The following RWDD1 variants were observed in gnomAD, a reference collection of about 807,000 sequenced individuals.
The protein encoded by RWDD1 is RWD domain containing 1, also known as RWD domain-containing protein 1.
RWDD1 carries 17 observed loss-of-function variants against 31.6 expected under a neutral mutation model. The ratio of observed to expected loss-of-function variants is 0.54; its 90% CI spans 0.37 to 0.81. The LOEUF (loss-of-function observed/expected upper bound fraction) is 0.81. RWDD1 is among the 30% of genes least tolerant of loss of function. RWDD1 has a pLI of 0.00. For missense variants in RWDD1, 204 were observed against 274.5 expected (o/e 0.74, Z 1.82); for synonymous variants, 78 against 94.2 (o/e 0.83, Z 0.99).
chr6:116,574,115 C>T (rs2115321467), intron 1 of RWDD1: 1 of 289,168 alleles, frequency 3.5e-6, no homozygotes, highest in Middle Eastern at 1.7e-3. Context: ...TATAAATGGA[C>T]TCTCCTGATA....
chr6:116,583,757 G>A (rs1027580845), intron 2 of RWDD1, among the ~76,000 whole-genome samples: 2 of 152,042 alleles, frequency 1.3e-5, no homozygotes, highest in African/African-American at 4.8e-5. Context: ...GCTAATAAAA[G>A]AAGAAAGGAA....
chr6:116,594,681 T>C lies in RWDD1; in HGVS notation c.*1580T>C, dbSNP rs1775213386. On this transcript the variant is annotated 3_prime_UTR_variant, in exon 7 of 7. Transcript: ENST00000466444. ...AGTCCTTTGTAATAATTTGGGATGA[T>C]TGACTTGGTGGCTCCAGGTAGGAGA... 6.6e-6 allele frequency: 1 copy of C among 152,244 alleles called. No homozygotes were observed. Among genetic ancestry groups the C allele is most frequent in the African/African-American group, 2.4e-5 (1 of 41,470 alleles). The allele number at this position is 152,244 out of a possible 1,614,324, so 9.4% of individuals were successfully genotyped here.
rs941132673 is a variant in RWDD1, at chr6:116,595,221, C to T, written c.*2120C>T. 6.6e-6 allele frequency: 1 copy of T among 152,200 alleles called. No homozygotes were observed. 9.4% of individuals were successfully genotyped at this position (152,200 alleles called of 1,614,324 possible). ...GTGTCAAGAATGATAACCTCCCATCCACTTCATGTGATTTTTAAGAATAAA... is the reference window on the plus strand; with the variant it reads ...GTGTCAAGAATGATAACCTCCCATCTACTTCATGTGATTTTTAAGAATAAA... On this transcript the variant is annotated 3_prime_UTR_variant, in exon 7 of 7. Transcript: ENST00000466444.
chr6:116,590,333 A>T lies in RWDD1; in HGVS notation c.476A>T (p.Asp159Val). 2 of 1,603,224 alleles carry T rather than the reference A, an allele frequency of 1.2e-6. No individual in the cohort carries two copies. Among genetic ancestry groups the T allele is most frequent in the Non-Finnish European group, 1.7e-6 (2 of 1,176,302 alleles). Residue 159 changes from aspartate (D) to valine (V), a missense_variant, in exon 5 of 7, where the codon GAT becomes GTT. Physicochemically the swap from Asp to Val is radical, Grantham distance 152. Coordinates refer to ENST00000466444, the MANE Select transcript of RWDD1 (RefSeq NM_015952.4). ...ENFLNWKAKF[D>V]AELLEIKKKR... ...TTCTTAAATTGGAAAGCCAAGTTTGATGCAGAACTCTTGGAAATTAAAAAG... is the reference window on the plus strand; with the variant it reads ...TTCTTAAATTGGAAAGCCAAGTTTGTTGCAGAACTCTTGGAAATTAAAAAG...
intron 6 of RWDD1, among the ~76,000 whole-genome samples, 184 bp downstream of exon 6, chr6:116,591,134 T>C (rs1390915051): frequency 6.6e-6 from 1 of 152,044 alleles, no homozygotes; most frequent in Non-Finnish European, 1.5e-5. Flanking sequence ...GTATATAATG[T>C]AGTCTCTTTA....
intron 1 of RWDD1, chr6:116,572,846 C>T (rs1465662720): frequency 1.0e-6 from 1 of 985,318 alleles, no homozygotes; most frequent in East Asian, 1.1e-4. Context: ...TTTTGTTCTG[C>T]TTTGCCAACA....
intron 1 of RWDD1, chr6:116,572,720 A>AT: frequency 1.2e-5 from 4 of 324,076 alleles, no homozygotes; most frequent in Non-Finnish European, 1.8e-5. Flanking sequence ...TGATAGTCAG[A>AT]ATTTATAGTG....
At chr6:116,590,470 G>A in intron 5 of RWDD1, 66 bp downstream of exon 5, 1 of 1,480,776 alleles carries the variant, frequency 6.8e-7, no homozygotes, top group East Asian at 2.4e-5. Flanking sequence ...ATAGCAAGAG[G>A]ATCATTTGGT....
At chr6:116,588,772 T>C in intron 3 of RWDD1, 70 bp from the exon 4 acceptor site, 7 of 1,088,688 alleles carry the variant, frequency 6.4e-6, no homozygotes, top group Non-Finnish European at 7.6e-6. Flanking sequence ...ACCAAATTAG[T>C]AATTATTATA....
At chr6:116,591,098 T>TAA (rs368922935) in intron 6 of RWDD1, 148 bp downstream of exon 6, 225 of 810,330 alleles carry the variant, frequency 2.8e-4, no homozygotes, top group South Asian at 4.5e-4. Context: ...CTGACTCTAT[T>TAA]AAAAAAAAAA....
intron 4 of RWDD1, among the ~76,000 whole-genome samples, chr6:116,589,373 A>AG (rs1161747294): frequency 3.9e-5 from 6 of 152,208 alleles, no homozygotes; most frequent in African/African-American, 1.4e-4. Flanking sequence ...CAGCAAAAAA[A>AG]CATGTTTTAA....
chr6:116,590,190 T>G, intron 4 of RWDD1, 82 bp from the exon 5 acceptor site: 1 of 702,206 alleles, frequency 1.4e-6, no homozygotes, highest in Non-Finnish European at 2.3e-6. Flanking sequence ...AGGGGTTATA[T>G]TGATATGTTT....
rs912164653 is a variant in RWDD1, at chr6:116,596,967, C to G, written c.*3866C>G. 6.6e-6 allele frequency: 1 copy of G among 152,106 alleles called. No homozygotes were observed. Among genetic ancestry groups the G allele is most frequent in the African/African-American group, 2.4e-5 (1 of 41,404 alleles). 9.4% of individuals were successfully genotyped at this position (152,106 alleles called of 1,614,324 possible). On this transcript the variant is annotated 3_prime_UTR_variant, in exon 7 of 7. Transcript: ENST00000466444. ...TTTATTCTGTGATATACCAAACTTA[C>G]AAAGTCACTCTGCGATTTCAGTAAG...
chr6:116,574,835 A>G (rs894874431), intron 1 of RWDD1, among the ~76,000 whole-genome samples: 7 of 139,638 alleles, frequency 5.0e-5, no homozygotes, highest in African/African-American at 1.1e-4. Context: ...CAGTGCCCCA[A>G]TCAGCTCACT....
At chr6:116,586,776 G>A (rs1258233013) in intron 3 of RWDD1, among the ~76,000 whole-genome samples, 1 of 152,128 alleles carries the variant, frequency 6.6e-6, no homozygotes, top group Non-Finnish European at 1.5e-5. Flanking sequence ...CTGGAAGTAT[G>A]ATTGCTGGAT....
chr6:116,582,464 A>G (rs1338475179), intron 2 of RWDD1, among the ~76,000 whole-genome samples: 1 of 151,972 alleles, frequency 6.6e-6, no homozygotes, highest in East Asian at 1.9e-4. Flanking sequence ...TTTTTAATTT[A>G]CTTTTTAATT....
rs773590055 is a variant in RWDD1 at position 116,588,946 on chromosome 6, AAAG to A, written c.378_380del (p.Lys127del). On this transcript the variant is annotated inframe_deletion, in exon 4 of 7. Coordinates refer to ENST00000466444, the MANE Select transcript of RWDD1 (RefSeq NM_015952.4). ...AGATAAAAACTAGAAGAGAAGAAGAAAAGAAACAAAAAGAAAAAGAAGCAGAAG... is the reference window on the plus strand; with the variant it reads ...AGATAAAAACTAGAAGAGAAGAAGAAAAACAAAAAGAAAAAGAAGCAGAAG... The A allele has an allele frequency of 2.1e-6, 3 of 1,437,998 alleles. No homozygotes were observed. Among genetic ancestry groups the A allele is most frequent in the East Asian group, 2.6e-5 (1 of 38,608 alleles). The allele number at this position is 1,437,998 out of a possible 1,614,324, so 89.1% of individuals were successfully genotyped here.
At position 116,597,340 on chromosome 6, in the gene RWDD1, C is replaced by G. The variant is rs1053353570; in HGVS notation, c.*4239C>G. Reference sequence around the variant, plus strand: ...GTTATATTTAGTTTTGTTCTTCCACCTTTTGGCTATTTCTACTACATATTT... The same window carrying G: ...GTTATATTTAGTTTTGTTCTTCCACGTTTTGGCTATTTCTACTACATATTT... On this transcript the variant is annotated 3_prime_UTR_variant, in exon 7 of 7. Transcript: ENST00000466444. 6.6e-6 allele frequency: 1 copy of G among 152,020 alleles called. No individual in the cohort carries two copies. Among genetic ancestry groups the G allele is most frequent in the East Asian group, 1.9e-4 (1 of 5,204 alleles). 9.4% of individuals were successfully genotyped at this position (152,020 alleles called of 1,614,324 possible).
chr6:116,580,181 T>C lies in RWDD1; in HGVS notation c.74-114T>C, dbSNP rs933328482. 7.3e-6 allele frequency: 4 copies of C among 551,012 alleles called. No homozygotes were observed. The African/African-American group carries it at 7.7e-5, about 11-fold the overall frequency. The allele number at this position is 551,012 out of a possible 1,614,324, so 34.1% of individuals were successfully genotyped here. On this transcript the variant is annotated intron_variant, in intron 1 of 6. Coordinates refer to ENST00000466444, the MANE Select transcript of RWDD1 (RefSeq NM_015952.4). ...TCTGTTCAGTCTGTATTTGTGGAAA[T>C]GGAAATATAGCCTAGGGACCAGTTT...
Sources: allele counts gnomAD v4.1 joint callset (sites outside exome capture counted in the v4.1 genomes callset), GRCh38; gene constraint gnomAD v4.1.1; transcripts MANE v1.5; gene names NCBI Gene and HGNC (gene_info 2026-07-23, HGNC 2026-07-21).